The following CLTC variants were observed in gnomAD, a reference collection of about 807,000 sequenced individuals.
CLTC encodes clathrin heavy chain, also known as clathrin heavy chain 1.
A neutral mutation model predicts 195.8 loss-of-function variants in CLTC; 16 were observed. The observed-to-expected ratio is 0.08, with a 90% CI of 0.06 to 0.12. CLTC has a LOEUF of 0.12. Ranked by LOEUF, CLTC falls within the 10% of genes least tolerant of loss-of-function variation. CLTC has a pLI of 1.00. For missense variants in CLTC, 796 were observed against 2,027.0 expected (o/e 0.39, Z 11.66); for synonymous variants, 667 against 689.4 (o/e 0.97, Z 0.51).
rs755485844 is a variant in CLTC, at chr17:59,682,704, C to T, written c.3676C>T (p.Arg1226Cys). Residue 1226 changes from arginine (R) to cysteine (C), a missense_variant, in exon 23 of 32, where the codon CGT becomes TGT. This residue lies in a region of CLTC where 102 missense variants were observed against 317.6 expected (regional missense o/e 0.32). Coordinates refer to ENST00000269122, the MANE Select transcript of CLTC (RefSeq NM_004859.4). This position sits in a 1 kb window ranked among gnomAD's most constrained non-coding sequence, Gnocchi z 6.8. ...GTACAATAATGTTTCCAATTTTGGACGTTTGGCATCTACCCTGGTTCACCT... is the reference window on the plus strand; with the variant it reads ...GTACAATAATGTTTCCAATTTTGGATGTTTGGCATCTACCCTGGTTCACCT... ...LLYNNVSNFGRLASTLVHLGE... is the reference protein window; with the variant it reads ...LLYNNVSNFGCLASTLVHLGE... The T allele has an allele frequency of 2.5e-6, 4 of 1,613,786 alleles. No individual in the cohort carries two copies. Among genetic ancestry groups the T allele is most frequent in the Admixed American group, 1.7e-5 (1 of 59,966 alleles).
At chr17:59,639,400 C>T (rs1310418040) in intron 1 of CLTC, among the ~76,000 whole-genome samples, 1 of 152,020 alleles carries the variant, frequency 6.6e-6, no homozygotes, top group Non-Finnish European at 1.5e-5. Flanking sequence ...AGTTTATTGA[C>T]TCCATATTCT....
intron 1 of CLTC, among the ~76,000 whole-genome samples, chr17:59,643,370 A>G (rs1246811460): frequency 1.3e-5 from 2 of 152,154 alleles, no homozygotes; most frequent in African/African-American, 4.8e-5. Context: ...TTGTTCTTAC[A>G]TACTTAATTG....
chr17:59,680,759 A>G (rs974285282), intron 18 of CLTC, among the ~76,000 whole-genome samples, 153 bp from the exon 19 acceptor site: 1 of 152,218 alleles, frequency 6.6e-6, no homozygotes, highest in Non-Finnish European at 1.5e-5. Context: ...TATTGTATAG[A>G]TTTGTGTAGA....
In CLTC at chr17:59,666,294, G is replaced by T; in HGVS notation, c.1782+54G>T. 1 of 1,594,322 alleles carries T rather than the reference G, an allele frequency of 6.3e-7. No homozygotes were observed. Among genetic ancestry groups the T allele is most frequent in the Non-Finnish European group, 8.6e-7 (1 of 1,164,062 alleles). ...TTTCCAACATTGTTTTAGTAATTGT[G>T]CAGCGCCTCTCAGATTGTTATGCAA... On this transcript the variant is annotated intron_variant, in intron 11 of 31. Transcript: ENST00000269122. The surrounding 1 kb of genome is among the most constrained non-coding windows in gnomAD (Gnocchi z 4.9).
At chr17:59,633,571 A>G (rs1312656040) in intron 1 of CLTC, among the ~76,000 whole-genome samples, 3 of 152,250 alleles carry the variant, frequency 2.0e-5, no homozygotes, top group Non-Finnish European at 4.4e-5. Context: ...AGCACCTGGT[A>G]GACTGAGTAT....
At chr17:59,670,873 G>C (rs908095709) in intron 14 of CLTC, 3 of 152,154 alleles carry the variant, frequency 2.0e-5, no homozygotes, top group African/African-American at 7.2e-5. Context: ...GATATAGTAG[G>C]GGTGTGGATG....
At position 59,648,620 on chromosome 17, in the gene CLTC, G is replaced by C; in HGVS notation, c.681+219G>C. The C allele has an allele frequency of 2.0e-6, 1 of 501,484 alleles. No individual in the cohort carries two copies. The allele number at this position is 501,484 out of a possible 1,614,324, so 31.1% of individuals were successfully genotyped here. On this transcript the variant is annotated intron_variant, in intron 4 of 31. Transcript: ENST00000269122. The surrounding 1 kb of genome is among the most constrained non-coding windows in gnomAD (Gnocchi z 4.5). ...GTTCTGTTGGCTGTTTATATTCTTT[G>C]ATTGCTAAAGTGCACATTTATATGC...
intron 4 of CLTC, among the ~76,000 whole-genome samples, chr17:59,650,402 T>C (rs2032299231): frequency 6.6e-6 from 1 of 152,108 alleles, no homozygotes. Flanking sequence ...AAAAGTACCA[T>C]TGTAGGTAAT....
intron 6 of CLTC, among the ~76,000 whole-genome samples, chr17:59,657,690 C>G (rs1030911232): frequency 1.3e-5 from 2 of 150,592 alleles, no homozygotes; most frequent in Non-Finnish European, 3.0e-5. Flanking sequence ...ATCACTTGAA[C>G]CTGGGAGGCG....
intron 31 of CLTC, among the ~76,000 whole-genome samples, chr17:59,693,360 CTTTTT>C (rs56119322): frequency 1.5e-5 from 2 of 136,722 alleles, no homozygotes; most frequent in African/African-American, 5.5e-5. Context: ...GAGCCAGATT[CTTTTT>C]TTTTTTTTTT....
intron 1 of CLTC, among the ~76,000 whole-genome samples, chr17:59,623,456 C>T (rs2031446324): frequency 6.6e-6 from 1 of 152,096 alleles, no homozygotes; most frequent in African/African-American, 2.4e-5. Context: ...AGTGAAAGTG[C>T]TTTCACTCTG....
intron 30 of CLTC, among the ~76,000 whole-genome samples, chr17:59,688,444 T>A (rs1008575066): frequency 1.3e-5 from 2 of 152,240 alleles, no homozygotes; most frequent in African/African-American, 2.4e-5. Context: ...TAATTTTTCT[T>A]TTTAAATCCA....
At chr17:59,631,454 AT>A (rs1225052244) in intron 1 of CLTC, among the ~76,000 whole-genome samples, 4 of 152,158 alleles carry the variant, frequency 2.6e-5, no homozygotes, top group Admixed American at 1.3e-4. Context: ...AATACTAGAA[AT>A]TTTTTTCTGC....
At position 59,666,794 on chromosome 17, in the gene CLTC, T is replaced by A; in HGVS notation, c.1948-3T>A. On this transcript the variant is annotated splice_region_variant and splice_polypyrimidine_tract_variant and intron_variant, in intron 12 of 31. Coordinates refer to ENST00000269122, the MANE Select transcript of CLTC (RefSeq NM_004859.4). The surrounding 1 kb of genome is among the most constrained non-coding windows in gnomAD (Gnocchi z 4.9). ...TCATTCATTCATTTATTTTGTCTTG[T>A]AGTGGTTAGTCAACTACTTTGGTTC... 1 of 1,607,458 alleles carries A rather than the reference T, an allele frequency of 6.2e-7. No homozygotes were observed. The highest frequency in any genetic ancestry group is 8.5e-7 in the Non-Finnish European group (1 of 1,176,268).
chr17:59,674,809 G>A lies in CLTC; in HGVS notation c.2527G>A (p.Asp843Asn), dbSNP rs1458015475. Residue 843 changes from aspartate to asparagine, a missense_variant, in exon 16 of 32, where the codon GAT becomes AAT. Coordinates refer to ENST00000269122, the MANE Select transcript of CLTC (RefSeq NM_004859.4). ...ILVVRGQFST[D>N]ELVAEVEKRN... is the part of the protein sequence containing the mutation. ...TGTTGTAAGAGGTCAATTCTCTACT[G>A]ATGAGCTTGTTGCTGAGGTTGAAAA... The A allele has an allele frequency of 6.2e-7, 1 of 1,613,270 alleles. No homozygotes were observed. Among genetic ancestry groups the A allele is most frequent in the Non-Finnish European group, 8.5e-7 (1 of 1,179,660 alleles).
In CLTC at chr17:59,661,759, C is replaced by T. The variant is rs866673786; in HGVS notation, c.1368+116C>T. 7.6e-5 allele frequency: 62 copies of T among 813,654 alleles called. No homozygotes were observed. In the Middle Eastern group the frequency reaches 1.0e-3, roughly 13 times the overall value. The allele number at this position is 813,654 out of a possible 1,614,324, so 50.4% of individuals were successfully genotyped here. A position where few individuals can be genotyped will look rare whatever the true frequency, so the allele number is the denominator to read the frequency against. On this transcript the variant is annotated intron_variant, in intron 8 of 31. Transcript: ENST00000269122. Reference sequence around the variant, plus strand: ...TCCATTACTGCTGGTAGAAACAGAACAAAAACACACATTGCATAAGATGGA... The same window carrying T: ...TCCATTACTGCTGGTAGAAACAGAATAAAAACACACATTGCATAAGATGGA...
Position 59,696,517 on chromosome 17 carries a change from A to G in CLTC, c.*2665A>G. The G allele has an allele frequency of 1.1e-5, 1 of 95,170 alleles. No individual in the cohort carries two copies. The highest frequency in any genetic ancestry group is 1.9e-5 in the Non-Finnish European group (1 of 53,728). The allele number at this position is 95,170 out of a possible 1,614,324, so 5.9% of individuals were successfully genotyped here. On this transcript the variant is annotated 3_prime_UTR_variant, in exon 32 of 32. Coordinates refer to ENST00000269122, the MANE Select transcript of CLTC (RefSeq NM_004859.4). ...AAATTACTGTCAGTATCCTCCTAAA[A>G]GAAGGCTTAAATAGTTTCTAACAAG...
chr17:59,660,214 CCTT>C (rs1402869463), intron 6 of CLTC, among the ~76,000 whole-genome samples, 174 bp from the exon 7 acceptor site: 1 of 152,162 alleles, frequency 6.6e-6, no homozygotes, highest in African/African-American at 2.4e-5. Context: ...TTTCAAATCT[CCTT>C]AATTTTTTTT....
chr17:59,692,250 A>G (rs2033321165), intron 31 of CLTC, among the ~76,000 whole-genome samples: 1 of 152,260 alleles, frequency 6.6e-6, no homozygotes, highest in Non-Finnish European at 1.5e-5. Flanking sequence ...CTGGGAGGCA[A>G]AGGCTGCAGT....
Sources: allele counts gnomAD v4.1 joint callset (sites outside exome capture counted in the v4.1 genomes callset), GRCh38; gene constraint gnomAD v4.1.1; regional missense constraint gnomAD v4.1.1; non-coding constraint Gnocchi (gnomAD v3.1); transcripts MANE v1.5; gene names NCBI Gene and HGNC (gene_info 2026-07-23, HGNC 2026-07-21).